The following CEP135 variants were observed in gnomAD, a reference collection of about 807,000 sequenced individuals.
The protein encoded by CEP135 is centrosomal protein 135, also known as centrosomal protein of 135 kDa.
CEP135 carries 142 observed loss-of-function variants against 157.3 expected under a neutral mutation model. The ratio of observed to expected loss-of-function variants is 0.90; its 90% CI spans 0.79 to 1.04. The LOEUF (loss-of-function observed/expected upper bound fraction) is 1.04, where lower values mean the gene tolerates loss of function less well. Among genes scored for constraint, CEP135 ranks in the 50% least tolerant of loss-of-function variants. The pLI is 0.00. For missense variants in CEP135, 1,317 were observed against 1,309.2 expected, an observed-to-expected ratio of 1.01 and a Z score of -0.09; for synonymous variants, 396 against 439.8, an observed-to-expected ratio of 0.90 and a Z score of 1.25.
intron 13 of CEP135, among the ~76,000 whole-genome samples, chr4:55,983,523 A>G (rs965997032): frequency 5.3e-5 from 8 of 152,154 alleles, no homozygotes; most frequent in South Asian, 2.1e-4. Context: ...TATCAGTGCT[A>G]TCTCTTGAAA....
chr4:55,949,860 T>G (rs189022168), intron 1 of CEP135, among the ~76,000 whole-genome samples: 7 of 152,366 alleles, frequency 4.6e-5, no homozygotes, highest in African/African-American at 1.2e-4. Context: ...TCCTGTGTAT[T>G]GAGGCCCTGG....
At chr4:56,005,066 T>C (rs1730309190) in intron 17 of CEP135, among the ~76,000 whole-genome samples, 1 of 152,126 alleles carries the variant, frequency 6.6e-6, no homozygotes, top group African/African-American at 2.4e-5. Context: ...CTTTTTACAC[T>C]GTGGTTACCA....
chr4:55,952,168 G>A lies in CEP135; in HGVS notation c.38G>A (p.Arg13Lys). ...GTAGAGAGAAAGTATATTAATATTA[G>A]GAAAAGGCTGGATCAGCTGGGATAC... ...TAVERKYINIRKRLDQLGYRQ... is the reference protein window; with the variant it reads ...TAVERKYINIKKRLDQLGYRQ... Residue 13 changes from arginine (R) to lysine (K), a missense_variant, in exon 2 of 26, where the codon AGG becomes AAG. Arg to Lys is a conservative substitution (Grantham distance 26). Transcript: ENST00000257287. The A allele has an allele frequency of 6.2e-6, 10 of 1,612,976 alleles. No homozygotes were observed. The highest frequency in any genetic ancestry group is 1.3e-5 in the African/African-American group (1 of 75,008).
intron 5 of CEP135, 131 bp downstream of exon 5, chr4:55,957,495 A>T (rs1728545844): frequency 2.9e-6 from 2 of 699,004 alleles, no homozygotes; most frequent in Non-Finnish European, 4.5e-6. Context: ...TTGCACCGGC[A>T]CTCAGTAAAT....
intron 1 of CEP135, among the ~76,000 whole-genome samples, 200 bp downstream of exon 1, chr4:55,949,259 C>G (rs908824035): frequency 1.3e-5 from 2 of 152,156 alleles, no homozygotes; most frequent in Admixed American, 6.5e-5. Context: ...ACCCCCTTCC[C>G]GTCAACACCC....
intron 17 of CEP135, among the ~76,000 whole-genome samples, chr4:56,004,882 G>A (rs2109722178): frequency 1.3e-5 from 2 of 149,068 alleles, no homozygotes; most frequent in East Asian, 4.0e-4. Flanking sequence ...GGAGAATGGA[G>A]TTAGTTCAGT....
chr4:55,970,651 T>A (rs1001721858), intron 9 of CEP135, among the ~76,000 whole-genome samples: 2 of 152,236 alleles, frequency 1.3e-5, no homozygotes, highest in African/African-American at 4.8e-5. Context: ...AGTGTTGGCT[T>A]ACAGTAAGAT....
intron 13 of CEP135, among the ~76,000 whole-genome samples, chr4:55,982,186 A>G (rs1361910302): frequency 2.0e-5 from 3 of 152,210 alleles, no homozygotes; most frequent in African/African-American, 7.2e-5. Flanking sequence ...GATATTTCAT[A>G]TAAATTGAAT....
chr4:56,029,276 G>A (rs890965129), intron 25 of CEP135, among the ~76,000 whole-genome samples: 7 of 152,108 alleles, frequency 4.6e-5, no homozygotes, highest in Admixed American at 2.6e-4. Flanking sequence ...AGATATGATC[G>A]ATTAAATCAT....
chr4:56,002,412 G>T (rs1730208146), intron 17 of CEP135, among the ~76,000 whole-genome samples: 1 of 151,884 alleles, frequency 6.6e-6, no homozygotes, highest in Non-Finnish European at 1.5e-5. Flanking sequence ...TTTTCTTTCT[G>T]TACCCTTTGT....
In CEP135 at chr4:56,009,833, C is replaced by G. The variant is rs202214171; in HGVS notation, c.2435C>G (p.Ser812Cys). Residue 812 changes from serine (S) to cysteine (C), a missense_variant, in exon 19 of 26, where the codon TCT (serine) becomes TGT (cysteine). By Grantham distance (112) the Ser-to-Cys change is moderately radical. Coordinates refer to ENST00000257287, the MANE Select transcript of CEP135 (RefSeq NM_025009.5). ...AAAGAACTCGATGAAGTAGGAAGAT[C>G]TAGAGAAATCGCTTTTAAGGAAAAC... ...AHKELDEVGR[S>C]REIAFKENRR... 4 of 1,613,930 alleles carry G rather than the reference C, an allele frequency of 2.5e-6. No individual in the cohort carries two copies. Among genetic ancestry groups the G allele is most frequent in the Non-Finnish European group, 3.4e-6 (4 of 1,180,008 alleles).
intron 10 of CEP135, among the ~76,000 whole-genome samples, chr4:55,972,724 A>G (rs1729067092): frequency 6.6e-6 from 1 of 152,234 alleles, no homozygotes; most frequent in South Asian, 2.1e-4. Context: ...TGAAGTGCTT[A>G]GAACCATGTA....
chr4:56,029,505 A>C (rs1731266561), intron 25 of CEP135, among the ~76,000 whole-genome samples: 1 of 152,218 alleles, frequency 6.6e-6, no homozygotes. Context: ...GCCAAGAACC[A>C]GGGGCAGAGA....
At chr4:55,968,956 T>G (rs1728928746) in intron 8 of CEP135, 107 bp from the exon 9 acceptor site, 5 of 708,328 alleles carry the variant, frequency 7.1e-6, no homozygotes, top group Non-Finnish European at 9.0e-6. Flanking sequence ...CAGATCTCAC[T>G]GGTAAGAGGG....
chr4:55,953,302 A>G (rs1195368069), intron 3 of CEP135, 27 bp downstream of exon 3: 2 of 1,422,884 alleles, frequency 1.4e-6, no homozygotes, highest in Admixed American at 2.6e-5. Flanking sequence ...TAATTTTTAA[A>G]ATGCAATGTC....
intron 21 of CEP135, among the ~76,000 whole-genome samples, chr4:56,013,103 G>A (rs569244269): frequency 6.6e-5 from 10 of 152,044 alleles, no homozygotes; most frequent in South Asian, 2.1e-4. Context: ...GGAATAGAGC[G>A]GTATCTCGTG....
intron 15 of CEP135, among the ~76,000 whole-genome samples, chr4:55,992,747 A>G (rs992948019): frequency 7.2e-5 from 11 of 152,226 alleles, no homozygotes; most frequent in African/African-American, 2.7e-4. Flanking sequence ...AAAGGTTTAG[A>G]TGACTAATAT....
intron 10 of CEP135, among the ~76,000 whole-genome samples, chr4:55,972,014 G>T (rs1032122218): frequency 8.5e-5 from 13 of 152,274 alleles, no homozygotes; most frequent in African/African-American, 2.9e-4. Flanking sequence ...ACTGGGCGTG[G>T]TGGCATGCGA....
At chr4:55,985,236 T>G in intron 13 of CEP135, 45 bp from the exon 14 acceptor site, 1 of 1,094,998 alleles carries the variant, frequency 9.1e-7, no homozygotes, top group Non-Finnish European at 1.4e-6. Context: ...GATTTTGTTT[T>G]GTTATCTGAT....
Sources: allele counts gnomAD v4.1 joint callset (sites outside exome capture counted in the v4.1 genomes callset), GRCh38; gene constraint gnomAD v4.1.1; transcripts MANE v1.5; gene names NCBI Gene and HGNC (gene_info 2026-07-23, HGNC 2026-07-21).